The following MRPL43 variants were observed in gnomAD, a reference collection of about 807,000 sequenced individuals.
MRPL43 encodes the protein mitochondrial ribosomal protein L43.
In MRPL43, 9 loss-of-function variants were observed where a neutral mutation model predicts 12.7. That is an observed-to-expected ratio of 0.71 (90% CI 0.43 to 1.24). The LOEUF is 1.24. Among genes scored for constraint, MRPL43 ranks in the 50% most tolerant of loss-of-function variants. The probability of loss-of-function intolerance (pLI) is 0.00; values close to 1 mark genes in which losing one functional copy is unlikely to be tolerated. For missense variants in MRPL43, 211 were observed against 229.2 expected (o/e 0.92, Z 0.51); for synonymous variants, 116 against 96.4 (o/e 1.20, Z -1.19).
At chr10:100,979,387 T>TTC, downstream of MRPL43, 1 of 237,634 alleles carries the variant, frequency 4.2e-6, no homozygotes, top group South Asian at 8.3e-5. Context: ...AAAGTGAGAA[T>TTC]TTTTTTTTTT....
chr10:100,981,367 G>A, downstream of MRPL43: 1 of 1,608,276 alleles, frequency 6.2e-7, no homozygotes, highest in Admixed American at 1.7e-5. Context: ...CACAGAGCCT[G>A]GCACAGAGTA....
chr10:100,981,539 G>GAT (rs780373864), downstream of MRPL43: 11 of 1,613,964 alleles, frequency 6.8e-6, no homozygotes, highest in Non-Finnish European at 9.3e-6. Flanking sequence ...TGACTGAACT[G>GAT]ATATCTGAAG....
chr10:100,979,465 C>T, downstream of MRPL43: 1 of 1,410,546 alleles, frequency 7.1e-7, no homozygotes, highest in Non-Finnish European at 9.5e-7. Flanking sequence ...TCACTGCAAT[C>T]TCCGCCTCCC....
downstream of MRPL43, chr10:100,979,052 A>C: frequency 6.2e-7 from 1 of 1,612,970 alleles, no homozygotes; most frequent in Non-Finnish European, 8.5e-7. Context: ...ACGGGTATAG[A>C]GGCTGGACCT....
chr10:100,978,015 G>A (rs1057504766), downstream of MRPL43: 3 of 569,948 alleles, frequency 5.3e-6, no homozygotes, highest in African/African-American at 5.6e-5. Flanking sequence ...CCCCTGGACA[G>A]CATGTGTTCC....
Position 100,986,588 on chromosome 10 carries a change from C to A in MRPL43, c.*146G>T, listed in dbSNP as rs144591226. ...GAAGCAGGCACTGGAAAGAAACAGG[C>A]AGCTCTTCATTATCCCAAGCAGAAC... On this transcript the variant is annotated 3_prime_UTR_variant, in exon 3 of 3. Coordinates refer to ENST00000318364, the MANE Select transcript of MRPL43 (RefSeq NM_032112.3). The A allele has an allele frequency of 7.2e-4, 1,160 of 1,600,750 alleles. 11 individuals are homozygous for A. In the African/African-American group the frequency reaches 0.014, roughly 20 times the overall value.
In MRPL43 at chr10:100,986,520, C is replaced by A. The variant is rs1280684908; in HGVS notation, c.*214G>T. On this transcript the variant is annotated 3_prime_UTR_variant, in exon 3 of 3. Coordinates refer to ENST00000318364, the MANE Select transcript of MRPL43 (RefSeq NM_032112.3). ...TTCCTCATCTCAGGTTTTAGGGATG[C>A]CACTTGCATAAAAATGAGTGGTTCA... 1.3e-6 allele frequency: 2 copies of A among 1,551,860 alleles called. No individual in the cohort carries two copies. Among genetic ancestry groups the A allele is most frequent in the Admixed American group, 2.0e-5 (1 of 51,038 alleles).
downstream of MRPL43, chr10:100,978,916 G>A (rs1037811860): frequency 1.9e-6 from 3 of 1,614,224 alleles, no homozygotes; most frequent in Non-Finnish European, 2.5e-6. Context: ...ATGATGACAA[G>A]GTGTACTACT....
chr10:100,980,058 C>G (rs1680940321), downstream of MRPL43: 4 of 1,613,348 alleles, frequency 2.5e-6, no homozygotes, highest in Non-Finnish European at 3.4e-6. Flanking sequence ...AAGGGTCTGG[C>G]CTTGTGGAGA....
chr10:100,980,079 G>A (rs1332672803), downstream of MRPL43: 6 of 1,612,974 alleles, frequency 3.7e-6, no homozygotes, highest in Non-Finnish European at 5.1e-6. Flanking sequence ...GGGCAGGCAG[G>A]TGGTGGAGTC....
downstream of MRPL43, chr10:100,983,666 T>C: frequency 6.2e-7 from 1 of 1,613,520 alleles, no homozygotes; most frequent in Non-Finnish European, 8.5e-7. Context: ...TTGCCGCGCT[T>C]GGTGGCCTCT....
Position 100,986,510 on chromosome 10 carries a change from T to G in MRPL43, c.*224A>C. On this transcript the variant is annotated 3_prime_UTR_variant, in exon 3 of 3. Transcript: ENST00000318364. ...CCTTGAAGTCTTCCTCATCTCAGGT[T>G]TTAGGGATGCCACTTGCATAAAAAT... 1 of 1,551,294 alleles carries G rather than the reference T, an allele frequency of 6.4e-7. No individual in the cohort carries two copies. Among genetic ancestry groups the G allele is most frequent in the Non-Finnish European group, 8.7e-7 (1 of 1,147,246 alleles).
downstream of MRPL43, chr10:100,983,654 C>T (rs1224493460): frequency 2.5e-6 from 4 of 1,613,482 alleles, no homozygotes; most frequent in South Asian, 2.2e-5. Flanking sequence ...ATGTGCTAGC[C>T]ATTGCCGCGC....
At position 100,987,321 on chromosome 10, in the gene MRPL43, G is replaced by A; in HGVS notation, c.123C>T (p.Arg41=). The A allele has an allele frequency of 6.2e-7, 1 of 1,612,194 alleles. No homozygotes were observed. Among genetic ancestry groups the A allele is most frequent in the Non-Finnish European group, 8.5e-7 (1 of 1,179,790 alleles). Reference sequence around the variant, plus strand: ...CACTTCCCTTGGCTCACCTGGCGCCGCGAGACGAGGCGCCGTCGCGGCTGA... The same window carrying A: ...CACTTCCCTTGGCTCACCTGGCGCCACGAGACGAGGCGCCGTCGCGGCTGA... ...FSVSRDGASS[R]GAREFVEREV... The change falls in exon 1 of 3, where the codon CGC becomes CGT. Residue 41 remains arginine, a synonymous_variant. Coordinates refer to ENST00000318364, the MANE Select transcript of MRPL43 (RefSeq NM_032112.3).
downstream of MRPL43, chr10:100,981,291 C>A: frequency 1.3e-6 from 2 of 1,598,506 alleles, no homozygotes; most frequent in South Asian, 2.2e-5. Flanking sequence ...CATTTACTGC[C>A]ATGTGTACGT....
Position 100,986,449 on chromosome 10 carries a change from T to C in MRPL43, c.*285A>G. On this transcript the variant is annotated 3_prime_UTR_variant, in exon 3 of 3. Transcript: ENST00000318364. ...TCACTGTGTTTTGAGATCATTATTA[T>C]CAATTTGGATTTAAAAAACAAGGGC... 1 of 1,526,152 alleles carries C rather than the reference T, an allele frequency of 6.6e-7. No homozygotes were observed. The highest frequency in any genetic ancestry group is 8.8e-7 in the Non-Finnish European group (1 of 1,138,134). 94.5% of individuals were successfully genotyped at this position (1,526,152 alleles called of 1,614,324 possible).
downstream of MRPL43, chr10:100,984,268 G>T: frequency 1.4e-6 from 2 of 1,443,342 alleles, no homozygotes; most frequent in Non-Finnish European, 1.8e-6. Context: ...TGTCCCTGTA[G>T]GGCTGGCCAG....
At chr10:100,984,239 C>A (rs1851305511), downstream of MRPL43, 2 of 1,459,674 alleles carry the variant, frequency 1.4e-6, no homozygotes, top group Admixed American at 5.4e-5. Flanking sequence ...CACTCCATAC[C>A]CTTCTCCCAA....
chr10:100,984,396 G>A, downstream of MRPL43: 3 of 1,457,036 alleles, frequency 2.1e-6, no homozygotes, highest in East Asian at 2.5e-5. Flanking sequence ...TGCAGACCCA[G>A]AGCCAGTTCC....
Sources: gnomAD v4.1 joint callset for allele counts on GRCh38, gnomAD v4.1.1 for gene constraint, MANE v1.5 for transcripts, NCBI Gene and HGNC (gene_info 2026-07-23, HGNC 2026-07-21) for gene names.